TULP4: variants seen among roughly 807,000 people sequenced by gnomAD.
The protein encoded by TULP4 is TUB like protein 4, also known as tubby-related protein 4.
In TULP4, 16 loss-of-function variants were observed where a neutral mutation model predicts 129.0. That is an observed-to-expected ratio of 0.12 (90% CI 0.08 to 0.19). The LOEUF is 0.19. Among genes scored for constraint, TULP4 ranks in the 10% least tolerant of loss-of-function variants. The probability of loss-of-function intolerance (pLI) is 1.00; values close to 1 mark genes in which losing one functional copy is unlikely to be tolerated. For missense variants in TULP4, 1,842 were observed against 2,059.1 expected (o/e 0.89, Z 2.04); for synonymous variants, 998 against 854.0 (o/e 1.17, Z -2.94).
upstream of TULP4, among the ~76,000 whole-genome samples, chr6:158,310,032 G>T (rs552932797): frequency 2.6e-5 from 4 of 151,966 alleles, no homozygotes; most frequent in Admixed American, 6.5e-5. Context: ...AGAAAATGTC[G>T]GCCAAATATC....
intron 1 of TULP4, chr6:158,237,471 T>G: frequency 6.5e-7 from 1 of 1,542,978 alleles, no homozygotes; most frequent in Non-Finnish European, 9.0e-7. Context: ...CACTGCCAGG[T>G]CTTGGGGAGG....
intron 5 of TULP4, among the ~76,000 whole-genome samples, chr6:158,454,416 T>G (rs544266291): frequency 6.6e-6 from 1 of 152,338 alleles, no homozygotes; most frequent in East Asian, 1.9e-4. Context: ...TTTGAGAACC[T>G]GCCTCTAGTT....
intron 1 of TULP4, among the ~76,000 whole-genome samples, chr6:158,385,868 A>G (rs1777436926): frequency 2.5e-5 from 1 of 39,576 alleles, no homozygotes. Context: ...TTTTTGAGAA[A>G]AAGTCTCACT....
At chr6:158,241,661 C>G (rs1489742478) in intron 1 of TULP4, among the ~76,000 whole-genome samples, 1 of 152,188 alleles carries the variant, frequency 6.6e-6, no homozygotes, top group African/African-American at 2.4e-5. Flanking sequence ...GTGGCGTGAC[C>G]TTGGCTCACC....
At chr6:158,238,198 C>T (rs1777758548) in intron 1 of TULP4, 4 of 809,242 alleles carry the variant, frequency 4.9e-6, no homozygotes, top group Admixed American at 1.7e-5. Flanking sequence ...TCAACTGTGC[C>T]ATGGTCAGCT....
rs145013915 is a variant in TULP4 at position 158,479,929 on chromosome 6, C to G, written c.1205C>G (p.Pro402Arg). The G allele has an allele frequency of 8.7e-6, 14 of 1,610,996 alleles. No individual in the cohort carries two copies. Among genetic ancestry groups the G allele is most frequent in the East Asian group, 2.2e-5 (1 of 44,870 alleles). Residue 402 changes from proline (P) to arginine (R), a missense_variant, in exon 7 of 14, where the codon CCC (proline) becomes CGC (arginine). Physicochemically the swap from Pro to Arg is moderately radical, Grantham distance 103. Coordinates refer to ENST00000367097, the MANE Select transcript of TULP4 (RefSeq NM_020245.5). The part of the protein sequence containing the change: ...DKDVSKLTLP[P>R]RLCSYLSTAF... The stretch of plus-strand genomic sequence containing the variant: ...GACGTCAGCAAGCTGACTCTGCCCC[C>G]CCGCCTCTGCTCCTACCTCTCCACT...
At position 158,480,982 on chromosome 6, in the gene TULP4, G is replaced by A. The variant is rs1278419360; in HGVS notation, c.1252-73G>A. On this transcript the variant is annotated intron_variant, in intron 7 of 13. Transcript: ENST00000367097. ...TAGCGTTTTTAGTTGACCTGCCCCC[G>A]TGCCCACTCTCTTTCCCTCTCTCTC... 1.5e-5 allele frequency: 21 copies of A among 1,392,394 alleles called. No homozygotes were observed. The African/African-American group carries it at 2.4e-4, about 16-fold the overall frequency. 86.3% of individuals were successfully genotyped at this position (1,392,394 alleles called of 1,614,324 possible). A position where few individuals can be genotyped will look rare whatever the true frequency, so the allele number is the denominator to read the frequency against.
chr6:158,500,190 A>T (rs778744542), intron 12 of TULP4, among the ~76,000 whole-genome samples: 1 of 152,218 alleles, frequency 6.6e-6, no homozygotes, highest in Non-Finnish European at 1.5e-5. Flanking sequence ...AGGAGGGAAC[A>T]TATTGTCTCA....
chr6:158,375,763 G>A (rs1243107594), intron 1 of TULP4, among the ~76,000 whole-genome samples: 1 of 152,196 alleles, frequency 6.6e-6, no homozygotes, highest in East Asian at 1.9e-4. Context: ...GGTGTTTGGA[G>A]TAAACTAATA....
At chr6:158,264,901 TG>T (rs1235536417) in intron 1 of TULP4, among the ~76,000 whole-genome samples, 1 of 152,164 alleles carries the variant, frequency 6.6e-6, no homozygotes, top group Non-Finnish European at 1.5e-5. Context: ...CTCCAAGGAC[TG>T]GGGATTCTCT....
At chr6:158,268,707 G>A (rs1778495406) in intron 1 of TULP4, among the ~76,000 whole-genome samples, 1 of 152,110 alleles carries the variant, frequency 6.6e-6, no homozygotes, top group African/African-American at 2.4e-5. Context: ...ACTCTTAATT[G>A]TTCTGATTTC....
intron 1 of TULP4, among the ~76,000 whole-genome samples, chr6:158,374,776 T>A (rs1056585623): frequency 5.3e-5 from 8 of 152,242 alleles, no homozygotes; most frequent in South Asian, 4.1e-4. Flanking sequence ...GCCGTGAATT[T>A]ACTCATGAAT....
chr6:158,499,858 A>G (rs74372785), intron 12 of TULP4, among the ~76,000 whole-genome samples: 238 of 152,214 alleles, frequency 1.6e-3, no homozygotes, highest in African/African-American at 5.4e-3. Context: ...AAGAAAAAAA[A>G]ATGATTTATA....
chr6:158,401,599 C>T (rs1000625551), intron 1 of TULP4, among the ~76,000 whole-genome samples: 13 of 140,146 alleles, frequency 9.3e-5, no homozygotes, highest in Non-Finnish European at 1.6e-4. Flanking sequence ...GCAGAAAACC[C>T]GTGCAGAGTC....
intron 1 of TULP4, among the ~76,000 whole-genome samples, chr6:158,338,069 A>G (rs1380602690): frequency 2.6e-5 from 4 of 152,194 alleles, no homozygotes; most frequent in Non-Finnish European, 5.9e-5. Flanking sequence ...GAAACAGTCA[A>G]GTTACTGGTC....
rs199583035 is a variant in TULP4 at position 158,502,508 on chromosome 6, C to T, written c.2845C>T (p.Pro949Ser). ...SSATLNRLTV[P>S]RYSIPTGDPP... is the part of the protein sequence containing the mutation. ...TGCCACCCTGAACCGCCTGACCGTC[C>T]CTCGCTACTCCATCCCCACCGGGGA... The change falls in exon 13 of 14, where the codon CCT (proline) becomes TCT (serine). Residue 949 changes from proline to serine, a missense_variant. Physicochemically the swap from Pro to Ser is moderately conservative, Grantham distance 74 (BLOSUM62 -1). Around this residue, in one of 5 missense-constraint regions of TULP4, gnomAD observed 1,089 missense variants for 987.1 expected, o/e 1.10. Transcript: ENST00000367097. 184 of 1,612,536 alleles carry T rather than the reference C, an allele frequency of 1.1e-4. No homozygotes were observed. The East Asian group carries it at 3.5e-3, about 30-fold the overall frequency.
intron 4 of TULP4, among the ~76,000 whole-genome samples, 174 bp from the exon 5 acceptor site, chr6:158,451,960 C>T (rs1037524414): frequency 6.6e-6 from 1 of 152,174 alleles, no homozygotes; most frequent in African/African-American, 2.4e-5. Context: ...CCACTGATGG[C>T]CCTTGTGTAG....
At chr6:158,325,853 T>C (rs1779734203) in intron 1 of TULP4, among the ~76,000 whole-genome samples, 1 of 152,170 alleles carries the variant, frequency 6.6e-6, no homozygotes, top group East Asian at 1.9e-4. Context: ...TATTGGTAAA[T>C]GCTAAGAATG....
At chr6:158,260,404 G>A (rs1209145259) in intron 1 of TULP4, among the ~76,000 whole-genome samples, 4 of 152,102 alleles carry the variant, frequency 2.6e-5, no homozygotes, top group African/African-American at 9.6e-5. Flanking sequence ...GTGAAACCCC[G>A]TCTCTACTAA....
Sources: allele counts gnomAD v4.1 joint callset (sites outside exome capture counted in the v4.1 genomes callset), GRCh38; gene constraint gnomAD v4.1.1; regional missense constraint gnomAD v4.1.1; transcripts MANE v1.5; gene names NCBI Gene and HGNC (gene_info 2026-07-23, HGNC 2026-07-21).